WT1: variants seen among roughly 807,000 people sequenced by gnomAD.
WT1 encodes the protein WT1 transcription factor.
WT1 carries 8 observed loss-of-function variants against 60.8 expected under a neutral mutation model. That is an observed-to-expected ratio of 0.13 (90% confidence interval 0.08 to 0.24). The LOEUF is 0.24. WT1 is among the 10% of genes least tolerant of loss of function. The pLI is 1.00. For missense variants in WT1, 568 were observed against 711.8 expected (o/e 0.80, Z 2.30); for synonymous variants, 312 against 297.1 (o/e 1.05, Z -0.52).
intron 1 of WT1, among the ~76,000 whole-genome samples, chr11:32,429,897 G>A (rs983983173): frequency 1.3e-5 from 2 of 150,980 alleles, no homozygotes; most frequent in Admixed American, 6.6e-5. Context: ...CTCAGCCGAT[G>A]AGCAGGACCC....
In WT1 at chr11:32,392,585, A is replaced by G. The variant is rs564048075; in HGVS notation, c.1354+81T>C. 2.5e-5 allele frequency: 35 copies of G among 1,374,984 alleles called. No individual in the cohort carries two copies. In the South Asian group the frequency reaches 4.0e-4, roughly 16 times the overall value. The allele number at this position is 1,374,984 out of a possible 1,614,324, so 85.2% of individuals were successfully genotyped here. On this transcript the variant is annotated intron_variant, in intron 8 of 9. Coordinates refer to ENST00000452863, the MANE Select transcript of WT1 (RefSeq NM_024426.6). ...ACACATGGCTGACTCTCTCATTCAT[A>G]TTCAACAACAAAGAGAATCATGAAA...
chr11:32,424,393 T>A (rs1028734066), intron 3 of WT1, among the ~76,000 whole-genome samples: 2 of 152,114 alleles, frequency 1.3e-5, no homozygotes, highest in African/African-American at 4.8e-5. Flanking sequence ...CAACGAGTAG[T>A]CAAAAGGGTT....
At chr11:32,407,358 G>GT (rs1174439366) in intron 5 of WT1, among the ~76,000 whole-genome samples, 1 of 152,088 alleles carries the variant, frequency 6.6e-6, no homozygotes, top group Non-Finnish European at 1.5e-5. Context: ...AGGAATTGAG[G>GT]TTTTACAGAT....
intron 6 of WT1, among the ~76,000 whole-genome samples, chr11:32,397,903 A>T (rs897899207): frequency 6.6e-6 from 1 of 152,202 alleles, no homozygotes; most frequent in Non-Finnish European, 1.5e-5. Context: ...TCTGGTCTGG[A>T]GTGTTTTAGA....
intron 1 of WT1, among the ~76,000 whole-genome samples, chr11:32,429,468 C>CA (rs1853192103): frequency 6.8e-6 from 1 of 147,498 alleles, no homozygotes; most frequent in Non-Finnish European, 1.5e-5. Context: ...GCATTCCCCC[C>CA]CCCCCCCAAA....
intron 3 of WT1, among the ~76,000 whole-genome samples, chr11:32,424,387 G>A (rs901953417): frequency 2.6e-5 from 4 of 152,152 alleles, no homozygotes; most frequent in African/African-American, 4.8e-5. Flanking sequence ...CTGCCTCAAC[G>A]AGTAGTCAAA....
intron 5 of WT1, among the ~76,000 whole-genome samples, chr11:32,413,579 G>A (rs1852570120): frequency 1.3e-5 from 2 of 152,200 alleles, no homozygotes; most frequent in South Asian, 4.1e-4. Context: ...AATGCTAAAA[G>A]TGAGGCAAAC....
chr11:32,428,120 C>T, intron 2 of WT1, 62 bp from the exon 3 acceptor site: 1 of 1,436,520 alleles, frequency 7.0e-7, no homozygotes, highest in Non-Finnish European at 9.5e-7. Context: ...TGCGAGGCTG[C>T]GGGCAGGGGT....
Position 32,435,186 on chromosome 11 carries a change from G to A in WT1, c.175C>T (p.Gln59Ter). ...GACGCCCCGCGGCTCCTCCGGCCCT[G>A]GAGACGTTCAGCGCTGGCCTCGGCG... The change falls in exon 1 of 10, where the codon CAG (glutamine) becomes TAG (stop). Residue 59 changes from glutamine to a stop codon, truncating the protein, a stop_gained. Transcript: ENST00000452863. LOFTEE classifies it high-confidence loss of function. The A allele has an allele frequency of 6.6e-7, 1 of 1,526,666 alleles. No homozygotes were observed. Among genetic ancestry groups the A allele is most frequent in the Non-Finnish European group, 8.8e-7 (1 of 1,142,302 alleles). 94.6% of individuals were successfully genotyped at this position (1,526,666 alleles called of 1,614,324 possible).
Position 32,434,967 on chromosome 11 carries a change from C to A in WT1, c.394G>T (p.Ala132Ser). 5 of 1,541,114 alleles carry A rather than the reference C, an allele frequency of 3.2e-6. No individual in the cohort carries two copies. The highest frequency in any genetic ancestry group is 4.4e-6 in the Non-Finnish European group (5 of 1,148,658). ...GGCGGCGGCGGGGGTGGCGGCGGAG[C>A]CGGTGGCGGCGCGGGGCCGCCCAAC... Residue 132 changes from alanine (A) to serine (S), a missense_variant, in exon 1 of 10, where the codon GCT becomes TCT. This residue lies in a region of WT1 where 523 missense variants were observed against 565.1 expected (regional missense o/e 0.93). Transcript: ENST00000452863.
intron 1 of WT1, among the ~76,000 whole-genome samples, chr11:32,432,151 T>C (rs1406498078): frequency 6.6e-6 from 1 of 152,258 alleles, no homozygotes; most frequent in Non-Finnish European, 1.5e-5. Flanking sequence ...AATATGAACA[T>C]GCTTGTGAAG....
At chr11:32,407,651 C>T (rs984758368) in intron 5 of WT1, among the ~76,000 whole-genome samples, 1 of 152,106 alleles carries the variant, frequency 6.6e-6, no homozygotes, top group Non-Finnish European at 1.5e-5. Context: ...CCATCAACCC[C>T]TCTTCTCTCC....
At position 32,434,876 on chromosome 11, in the gene WT1, A is replaced by C; in HGVS notation, c.485T>G (p.Leu162Arg). ...GGAAAAGTGGACAGTGAAGGCGCTC[A>C]GGCACTGCTCCTCGTGCGGCTCCGC... The change falls in exon 1 of 10, where the codon CTG (leucine) becomes CGG (arginine). Residue 162 changes from leucine to arginine, a missense_variant. Leu to Arg is a moderately radical substitution (Grantham distance 102). Transcript: ENST00000452863. The C allele has an allele frequency of 1.2e-6, 2 of 1,612,520 alleles. No homozygotes were observed. The highest frequency in any genetic ancestry group is 1.7e-6 in the Non-Finnish European group (2 of 1,179,832).
chr11:32,412,196 T>G (rs1852522083), intron 5 of WT1, among the ~76,000 whole-genome samples: 1 of 152,198 alleles, frequency 6.6e-6, no homozygotes, highest in South Asian at 2.1e-4. Context: ...TGAGACCATG[T>G]CTAGCGGGGA....
rs1277854204 is a variant in WT1, at chr11:32,428,591, C to T, written c.690G>A (p.Thr230=). The T allele has an allele frequency of 6.2e-7, 1 of 1,613,810 alleles. No homozygotes were observed. Residue 230 remains threonine, a synonymous_variant, in exon 2 of 10, where the codon ACG becomes ACA. Coordinates refer to ENST00000452863, the MANE Select transcript of WT1 (RefSeq NM_024426.6). ...GCGAGGGCGTGTGACCGTAGCTGGG[C>T]GTCCCGTCGAAGGTGACCGTGCTGT...
At chr11:32,423,226 T>C (rs1486733545) in intron 3 of WT1, among the ~76,000 whole-genome samples, 2 of 152,248 alleles carry the variant, frequency 1.3e-5, no homozygotes, top group African/African-American at 4.8e-5. Context: ...AGGGTGGTCC[T>C]GGAAGCAGTC....
intron 5 of WT1, among the ~76,000 whole-genome samples, chr11:32,409,055 G>A (rs10835904): frequency 0.47 from 71,195 of 151,932 alleles, 20,003 homozygotes; most frequent in African/African-American, 0.77. Flanking sequence ...AGTAATTTCA[G>A]AAGTCACTTT....
intron 2 of WT1, 72 bp from the exon 3 acceptor site, chr11:32,428,130 T>G: frequency 1.5e-6 from 2 of 1,357,562 alleles, no homozygotes; most frequent in Non-Finnish European, 2.0e-6. Flanking sequence ...CGGGCAGGGG[T>G]TGGGGGAGAC....
rs1590410053 is a variant in WT1 at position 32,434,974 on chromosome 11, C to A, written c.387G>T (p.Pro129=). The change falls in exon 1 of 10, where the codon CCG becomes CCT. Residue 129 remains proline (P), a synonymous_variant. Coordinates refer to ENST00000452863, the MANE Select transcript of WT1 (RefSeq NM_024426.6). ...GCGGGGGTGGCGGCGGAGCCGGTGG[C>A]GGCGCGGGGCCGCCCAACGACCCGT... 3.9e-6 allele frequency: 6 copies of A among 1,521,216 alleles called. No individual in the cohort carries two copies. Among genetic ancestry groups the A allele is most frequent in the Non-Finnish European group, 5.3e-6 (6 of 1,141,000 alleles). The allele number at this position is 1,521,216 out of a possible 1,614,324, so 94.2% of individuals were successfully genotyped here.
Sources: allele counts gnomAD v4.1 joint callset (sites outside exome capture counted in the v4.1 genomes callset), GRCh38; gene constraint gnomAD v4.1.1; regional missense constraint gnomAD v4.1.1; transcripts MANE v1.5; gene names NCBI Gene and HGNC (gene_info 2026-07-23, HGNC 2026-07-21).